Variants in ABI1 observed in about 807,000 individuals in gnomAD.
ABI1 encodes Abelson interactor 1.
ABI1 carries 14 observed loss-of-function variants against 54.6 expected under a neutral mutation model. That is an observed-to-expected ratio of 0.26 (90% confidence interval 0.17 to 0.40). ABI1 has a LOEUF of 0.40. Ranked by LOEUF, ABI1 falls within the 10% of genes least tolerant of loss-of-function variation. The pLI is 1.00. For synonymous variants in ABI1, 194 were observed against 209.3 expected, an observed-to-expected ratio of 0.93 and a Z score of 0.63; for missense variants, 443 against 598.3, an observed-to-expected ratio of 0.74 and a Z score of 2.71.
chr10:26,802,708 C>A (rs1174396971), intron 2 of ABI1, among the ~76,000 whole-genome samples: 1 of 152,148 alleles, frequency 6.6e-6, no homozygotes, highest in Admixed American at 6.5e-5. Flanking sequence ...GAGATTACAA[C>A]AATGTGGAAC....
At position 26,804,000 on chromosome 10, in the gene ABI1, A is replaced by G. The variant is rs77918957; in HGVS notation, c.285+19138T>C. ...TGCTATGTAGTACAAAGGATGAAAT[A>G]AAAAAAAAAAATTCTATTATATTAA... On this transcript the variant is annotated intron_variant, in intron 2 of 10. Coordinates refer to ENST00000376140, the MANE Select transcript of ABI1 (RefSeq NM_001012750.3). Among the ~76,000 whole-genome samples, 145 of 88,048 alleles carry G rather than the reference A, an allele frequency of 1.6e-3. 1 individual carries two copies. The highest frequency in any genetic ancestry group is 6.4e-3 in the African/African-American group (142 of 22,310). 57.8% of individuals were successfully genotyped at this position (88,048 alleles called of 152,430 possible). A position where few individuals can be genotyped will look rare whatever the true frequency, so the allele number is the denominator to read the frequency against.
intron 8 of ABI1, among the ~76,000 whole-genome samples, chr10:26,757,542 A>T (rs1216063812): frequency 6.6e-6 from 1 of 152,198 alleles, no homozygotes; most frequent in Non-Finnish European, 1.5e-5. Context: ...AAGTGAAGTG[A>T]ATTATTAGAT....
intron 2 of ABI1, chr10:26,790,484 GTTGT>G (rs1843282965): frequency 6.6e-6 from 1 of 151,800 alleles, no homozygotes; most frequent in African/African-American, 2.4e-5. Context: ...TTTTAATGGG[GTTGT>G]TTTTTTTTCT....
intron 2 of ABI1, among the ~76,000 whole-genome samples, chr10:26,805,178 A>T (rs2046803916): frequency 6.6e-6 from 1 of 152,222 alleles, no homozygotes; most frequent in Admixed American, 6.5e-5. Flanking sequence ...AGAGTTGAAG[A>T]GACCACATCA....
intron 1 of ABI1, among the ~76,000 whole-genome samples, chr10:26,844,718 T>A (rs1485798855): frequency 6.6e-6 from 1 of 152,230 alleles, no homozygotes; most frequent in Non-Finnish European, 1.5e-5. Flanking sequence ...CAAATTACCT[T>A]CTGTAGGCGC....
chr10:26,825,577 C>T (rs1190696570), intron 1 of ABI1, among the ~76,000 whole-genome samples: 1 of 152,178 alleles, frequency 6.6e-6, no homozygotes, highest in Non-Finnish European at 1.5e-5. Context: ...AGGAGAATCG[C>T]TTGAGCCCAG....
chr10:26,788,805 C>A (rs530249983), intron 2 of ABI1, among the ~76,000 whole-genome samples: 8 of 149,048 alleles, frequency 5.4e-5, no homozygotes, highest in Non-Finnish European at 1.0e-4. Flanking sequence ...CCCAGCTACT[C>A]GGGAGGCTGA....
intron 1 of ABI1, among the ~76,000 whole-genome samples, chr10:26,857,752 G>A (rs1304552856): frequency 6.6e-6 from 1 of 151,626 alleles, no homozygotes; most frequent in Non-Finnish European, 1.5e-5. Flanking sequence ...GGGAGGCTGA[G>A]GTGGGAGGAC....
intron 7 of ABI1, among the ~76,000 whole-genome samples, chr10:26,760,299 CAACA>C (rs1328483119): frequency 6.6e-6 from 1 of 152,092 alleles, no homozygotes; most frequent in Non-Finnish European, 1.5e-5. Context: ...CCCATCTAAA[CAACA>C]AACAATGACA....
intron 2 of ABI1, among the ~76,000 whole-genome samples, chr10:26,787,233 A>T (rs1277192076): frequency 6.6e-6 from 1 of 152,172 alleles, no homozygotes; most frequent in Non-Finnish European, 1.5e-5. Flanking sequence ...AAAAGAAGTA[A>T]ACTTGAGAAA....
chr10:26,771,757 T>A (rs1005906160), intron 3 of ABI1, among the ~76,000 whole-genome samples: 1 of 152,106 alleles, frequency 6.6e-6, no homozygotes, highest in African/African-American at 2.4e-5. Context: ...CCAACACTAA[T>A]AGGAAGTTCT....
chr10:26,831,479 C>G (rs993470503), intron 1 of ABI1, among the ~76,000 whole-genome samples: 55 of 152,092 alleles, frequency 3.6e-4, no homozygotes, highest in African/African-American at 1.3e-3. Context: ...GGAGGCGGAG[C>G]TTGCAGTGAG....
chr10:26,837,283 C>T (rs12251277), intron 1 of ABI1, among the ~76,000 whole-genome samples: 38,621 of 151,924 alleles, frequency 0.25, 5,519 homozygotes, highest in South Asian at 0.43. Context: ...TGCAGACAGC[C>T]ACCTTCTCGC....
Position 26,748,351 on chromosome 10 carries a change from A to G in ABI1, c.*219T>C, listed in dbSNP as rs940238288. On this transcript the variant is annotated 3_prime_UTR_variant, in exon 11 of 11. Coordinates refer to ENST00000376140, the MANE Select transcript of ABI1 (RefSeq NM_001012750.3). The stretch of plus-strand genomic sequence containing the variant: ...AAAATGTGTAAGTAAGTACATAAGC[A>G]TAATCAGTTATGGACAGCTTCTTGT... 7.0e-6 allele frequency: 3 copies of G among 431,574 alleles called. No individual in the cohort carries two copies. The highest frequency in any genetic ancestry group is 8.3e-6 in the Non-Finnish European group (2 of 241,550). 26.7% of individuals were successfully genotyped at this position (431,574 alleles called of 1,614,324 possible).
intron 2 of ABI1, among the ~76,000 whole-genome samples, chr10:26,813,956 GT>G (rs1388056859): frequency 6.6e-6 from 1 of 152,170 alleles, no homozygotes. Flanking sequence ...AATTTAAGAT[GT>G]AAAAGGTTCC....
intron 2 of ABI1, among the ~76,000 whole-genome samples, chr10:26,788,490 A>G (rs1842982062): frequency 6.6e-6 from 1 of 152,266 alleles, no homozygotes; most frequent in Admixed American, 6.5e-5. Context: ...TATTAATATG[A>G]AAACATGAAT....
At chr10:26,855,044 T>C (rs925416636) in intron 1 of ABI1, among the ~76,000 whole-genome samples, 18 of 152,182 alleles carry the variant, frequency 1.2e-4, no homozygotes, top group African/African-American at 3.4e-4. Flanking sequence ...CATTAGACTA[T>C]TCTGGATTTC....
At chr10:26,856,790 C>G (rs916614152) in intron 1 of ABI1, among the ~76,000 whole-genome samples, 3 of 152,192 alleles carry the variant, frequency 2.0e-5, no homozygotes, top group African/African-American at 7.2e-5. Flanking sequence ...TACCAATCTG[C>G]ATCCTGACAA....
At chr10:26,843,908 T>C (rs145849046) in intron 1 of ABI1, among the ~76,000 whole-genome samples, 2,414 of 152,328 alleles carry the variant, frequency 0.016, 47 homozygotes, top group African/African-American at 0.049. Flanking sequence ...ATTTATCTTA[T>C]ATTTAACCAC....
Sources: allele counts gnomAD v4.1 joint callset (sites outside exome capture counted in the v4.1 genomes callset), GRCh38; gene constraint gnomAD v4.1.1; transcripts MANE v1.5; gene names NCBI Gene and HGNC (gene_info 2026-07-23, HGNC 2026-07-21).